Variants in ZNF827 observed in about 807,000 individuals in gnomAD.
ZNF827 encodes the protein zinc finger protein 827.
ZNF827 carries 13 observed loss-of-function variants against 102.4 expected under a neutral mutation model. The observed-to-expected ratio is 0.13, with a 90% CI of 0.08 to 0.20. ZNF827 has a LOEUF of 0.20. ZNF827 is among the 10% of genes least tolerant of loss of function. The pLI is 1.00. For synonymous variants in ZNF827, 523 were observed against 536.2 expected (o/e 0.98, Z 0.34); for missense variants, 1,103 against 1,344.4 (o/e 0.82, Z 2.81).
Position 145,938,622 on chromosome 4 carries a change from CTTTTT to C in ZNF827, c.-220_-216del, listed in dbSNP as rs370427705. On this transcript the variant is annotated 5_prime_UTR_variant, in exon 1 of 15. Coordinates refer to ENST00000508784, the MANE Select transcript of ZNF827 (RefSeq NM_001306215.2). ...CTTCTTTTCTTTCCTTTCTTTTTTC[CTTTTT>C]TTTTTTTTTTTAAATTTTTGGTCGT... 1 of 421,034 alleles carries C rather than the reference CTTTTT, an allele frequency of 2.4e-6. No individual in the cohort carries two copies. The highest frequency in any genetic ancestry group is 4.3e-6 in the Non-Finnish European group (1 of 234,638). The allele number at this position is 421,034 out of a possible 1,614,324, so 26.1% of individuals were successfully genotyped here.
intron 5 of ZNF827, among the ~76,000 whole-genome samples, chr4:145,854,300 A>T (rs778872311): frequency 5.3e-5 from 8 of 151,932 alleles, no homozygotes; most frequent in Admixed American, 1.3e-4. Flanking sequence ...CATTTGTGAC[A>T]TGGAGATGGG....
intron 1 of ZNF827, among the ~76,000 whole-genome samples, chr4:145,933,817 C>T (rs1003681456): frequency 6.7e-6 from 1 of 150,366 alleles, no homozygotes; most frequent in Non-Finnish European, 1.5e-5. Flanking sequence ...AACAAGAGAA[C>T]ACCCTTCCTC....
At chr4:145,894,120 C>G (rs553135548) in intron 2 of ZNF827, among the ~76,000 whole-genome samples, 31 of 151,860 alleles carry the variant, frequency 2.0e-4, no homozygotes, top group Non-Finnish European at 4.4e-4. Flanking sequence ...TTTTTTAAGT[C>G]CTTATCTGGT....
At chr4:145,920,643 A>G (rs1337704597) in intron 1 of ZNF827, among the ~76,000 whole-genome samples, 1 of 152,242 alleles carries the variant, frequency 6.6e-6, no homozygotes, top group Non-Finnish European at 1.5e-5. Context: ...AGACAGCAGG[A>G]GATGGTCTCT....
At position 145,762,094 on chromosome 4, in the gene ZNF827, C is replaced by T. The variant is rs377683659; in HGVS notation, c.*18-496G>A. 1.3e-5 allele frequency among the ~76,000 whole-genome samples: 2 copies of T among 152,140 alleles called. No homozygotes were observed. The highest frequency in any genetic ancestry group is 2.9e-5 in the Non-Finnish European group (2 of 68,022). ...TTTAAAGAACAGCTTATAGGGGGAG[C>T]GCTACCTCCAGCAAACAGAAAGTCA... On this transcript the variant is annotated intron_variant, in intron 14 of 14. Transcript: ENST00000508784. The surrounding 1 kb of genome is among the most constrained non-coding windows in gnomAD (Gnocchi z 4.9).
chr4:145,919,058 C>G (rs1448978727), intron 1 of ZNF827, among the ~76,000 whole-genome samples: 2 of 152,078 alleles, frequency 1.3e-5, no homozygotes, highest in Non-Finnish European at 2.9e-5. Flanking sequence ...AGTTTTGAGA[C>G]CAGCCTGGGC....
chr4:145,858,331 A>G (rs1470349202), intron 5 of ZNF827, among the ~76,000 whole-genome samples: 2 of 152,142 alleles, frequency 1.3e-5, no homozygotes, highest in Non-Finnish European at 2.9e-5. Flanking sequence ...AAACATAAAA[A>G]TCTAAAATAT....
intron 8 of ZNF827, among the ~76,000 whole-genome samples, chr4:145,789,176 T>G (rs1240000282): frequency 6.6e-6 from 1 of 152,186 alleles, no homozygotes; most frequent in African/African-American, 2.4e-5. Flanking sequence ...AATTAAATGG[T>G]GGGTCCTCGA....
At chr4:145,881,475 T>C (rs1474099272) in intron 4 of ZNF827, among the ~76,000 whole-genome samples, 1 of 152,222 alleles carries the variant, frequency 6.6e-6, no homozygotes, top group Non-Finnish European at 1.5e-5. Flanking sequence ...ACAAGTGAAG[T>C]GCCAAGTTTC....
At chr4:145,825,948 G>A (rs1193004825) in intron 7 of ZNF827, among the ~76,000 whole-genome samples, 2 of 152,198 alleles carry the variant, frequency 1.3e-5, no homozygotes, top group African/African-American at 2.4e-5. Context: ...GCACAAAAGG[G>A]CTGCCAATGT....
chr4:145,784,265 A>G (rs546269850), intron 8 of ZNF827, among the ~76,000 whole-genome samples: 1 of 152,348 alleles, frequency 6.6e-6, no homozygotes, highest in East Asian at 1.9e-4. Context: ...GGCATTTCTC[A>G]GTAGCTGAGT....
chr4:145,934,742 T>C (rs1435720967), intron 1 of ZNF827, among the ~76,000 whole-genome samples: 2 of 152,214 alleles, frequency 1.3e-5, no homozygotes, highest in South Asian at 2.1e-4. Context: ...GCTAGTATTG[T>C]ACTTAATATC....
chr4:145,873,936 T>C (rs1436968206), intron 4 of ZNF827, among the ~76,000 whole-genome samples: 1 of 152,166 alleles, frequency 6.6e-6, no homozygotes, highest in African/African-American at 2.4e-5. Context: ...TTAAAGTGAA[T>C]GGTTAAGTAT....
At chr4:145,890,099 A>G (rs1750478926) in intron 3 of ZNF827, among the ~76,000 whole-genome samples, 3 of 152,196 alleles carry the variant, frequency 2.0e-5, no homozygotes, top group African/African-American at 7.2e-5. Context: ...GATTTGCAAA[A>G]TGTAGCAAAA....
At chr4:145,815,137 G>A (rs531831680) in intron 8 of ZNF827, among the ~76,000 whole-genome samples, 1 of 152,288 alleles carries the variant, frequency 6.6e-6, no homozygotes, top group East Asian at 1.9e-4. Context: ...TGGAGGAGTG[G>A]TATGAAGAAA....
intron 8 of ZNF827, among the ~76,000 whole-genome samples, chr4:145,816,698 A>G (rs1487819926): frequency 6.6e-6 from 1 of 152,236 alleles, no homozygotes; most frequent in African/African-American, 2.4e-5. Flanking sequence ...GTCTGGATCA[A>G]GAAAATCCAT....
chr4:145,882,225 C>T (rs913732547), intron 4 of ZNF827, among the ~76,000 whole-genome samples: 3 of 152,188 alleles, frequency 2.0e-5, no homozygotes, highest in African/African-American at 7.2e-5. Context: ...TGCTTTCTGG[C>T]TTCCAGGAAA....
chr4:145,849,653 A>AT, intron 5 of ZNF827, 92 bp from the exon 6 acceptor site: 1 of 1,568,488 alleles, frequency 6.4e-7, no homozygotes, highest in Non-Finnish European at 8.6e-7. Flanking sequence ...AACCATAAAG[A>AT]TTGTGGCAGG....
rs1419471602 is a variant in ZNF827 at position 145,938,389 on chromosome 4, C to A, written c.19G>T (p.Glu7Ter). 1 of 1,613,128 alleles carries A rather than the reference C, an allele frequency of 6.2e-7. No individual in the cohort carries two copies. Among genetic ancestry groups the A allele is most frequent in the Non-Finnish European group, 8.5e-7 (1 of 1,179,954 alleles). The change falls in exon 1 of 15, where the codon GAG becomes TAG. Residue 7 changes from glutamate to a stop codon, truncating the protein, a stop_gained. Transcript: ENST00000508784. LOFTEE classifies it high-confidence loss of function. MPRRKQ[E>*]QPKRLPSHVS... The stretch of plus-strand genomic sequence containing the variant: ...CGTGAGGGAAGGCGCTTGGGCTGCT[C>A]CTGCTTCCTCCTGGGCATTTTCCCC...
Sources: allele counts gnomAD v4.1 joint callset (sites outside exome capture counted in the v4.1 genomes callset), GRCh38; gene constraint gnomAD v4.1.1; non-coding constraint Gnocchi (gnomAD v3.1); transcripts MANE v1.5; gene names NCBI Gene and HGNC (gene_info 2026-07-23, HGNC 2026-07-21).